TICRR: variants seen among roughly 807,000 people sequenced by gnomAD.
The protein encoded by TICRR is TOPBP1 interacting checkpoint and replication regulator, also known as treslin.
A neutral mutation model predicts 178.1 loss-of-function variants in TICRR; 132 were observed. The observed-to-expected ratio is 0.74, with a 90% confidence interval of 0.64 to 0.86. The LOEUF is 0.86. Among genes scored for constraint, TICRR ranks in the 40% least tolerant of loss-of-function variants. The probability of loss-of-function intolerance (pLI) is 0.00; values close to 1 mark genes in which losing one functional copy is unlikely to be tolerated. For missense variants in TICRR, 2,587 were observed against 2,334.3 expected, an observed-to-expected ratio of 1.11 and a Z score of -2.23; for synonymous variants, 991 against 900.7, an observed-to-expected ratio of 1.10 and a Z score of -1.79.
At position 89,582,953 on chromosome 15, in the gene TICRR, C is replaced by G. The variant is rs1427564541; in HGVS notation, c.922C>G (p.Leu308Val). The change falls in exon 2 of 22, where the codon CTC becomes GTC. Residue 308 changes from leucine (L) to valine (V), a missense_variant. Physicochemically the swap from Leu to Val is conservative, Grantham distance 32 (BLOSUM62 1). Transcript: ENST00000268138. ...TCCACGAATGGAAGGAATGTTATTT[C>G]TCCCTGTTGAAGGTAAGCAAATAAT... ...SFPRMEGMLFLPVEAGKEIQE... is the reference protein window; with the variant it reads ...SFPRMEGMLFVPVEAGKEIQE... The G allele has an allele frequency of 1.2e-6, 2 of 1,611,794 alleles. No individual in the cohort carries two copies. The highest frequency in any genetic ancestry group is 1.7e-6 in the Non-Finnish European group (2 of 1,178,300).
chr15:89,606,641 T>C, intron 13 of TICRR, 127 bp from the exon 14 acceptor site: 1 of 760,262 alleles, frequency 1.3e-6, no homozygotes, highest in Non-Finnish European at 2.2e-6. Context: ...TGTTGTACAT[T>C]TTATTATTTC....
chr15:89,600,311 A>G (rs185090773), intron 8 of TICRR, among the ~76,000 whole-genome samples: 195 of 152,266 alleles, frequency 1.3e-3, no homozygotes, highest in Non-Finnish European at 2.2e-3. Context: ...TGTTTATGAT[A>G]CTTAGGTTTC....
At chr15:89,596,309 A>G (rs748617601) in intron 7 of TICRR, among the ~76,000 whole-genome samples, 3 of 151,756 alleles carry the variant, frequency 2.0e-5, no homozygotes, top group East Asian at 1.9e-4. Flanking sequence ...TTAATTGCTC[A>G]ATCTTGCTAT....
At chr15:89,622,434 T>G (rs370396737) in intron 19 of TICRR, among the ~76,000 whole-genome samples, 14 of 152,286 alleles carry the variant, frequency 9.2e-5, no homozygotes, top group African/African-American at 3.4e-4. Context: ...GAAACATTCC[T>G]CTCAGTTTGC....
Position 89,585,765 on chromosome 15 carries a change from C to G in TICRR, c.1234C>G (p.Leu412Val). 1 of 1,614,182 alleles carries G rather than the reference C, an allele frequency of 6.2e-7. No individual in the cohort carries two copies. Among genetic ancestry groups the G allele is most frequent in the East Asian group, 2.2e-5 (1 of 44,886 alleles). Reference sequence around the variant, plus strand: ...CCCCATCACTGGAGTTATTTCCCCACTCTCTGCCAGTGCTATGATCCTCAC... The same window carrying G: ...CCCCATCACTGGAGTTATTTCCCCAGTCTCTGCCAGTGCTATGATCCTCAC... ...RPPITGVISP[L>V]SASAMILTVC... Residue 412 changes from leucine (L) to valine (V), a missense_variant, in exon 4 of 22, where the codon CTC becomes GTC. By Grantham distance (32) the Leu-to-Val change is conservative. Transcript: ENST00000268138.
At chr15:89,600,490 A>G (rs1372414844) in intron 8 of TICRR, 95 bp from the exon 9 acceptor site, 3 of 526,246 alleles carry the variant, frequency 5.7e-6, no homozygotes, top group Non-Finnish European at 1.0e-5. Context: ...AGAGAAGTTT[A>G]TAAGGGAATA....
At chr15:89,613,420 A>G (rs1234686830) in intron 15 of TICRR, among the ~76,000 whole-genome samples, 1 of 151,978 alleles carries the variant, frequency 6.6e-6, no homozygotes, top group Non-Finnish European at 1.5e-5. Context: ...ACTTTATTCT[A>G]CTTGTATTGA....
Position 89,595,595 on chromosome 15 carries a change from A to G in TICRR, c.1884A>G (p.Arg628=), listed in dbSNP as rs1431169072. The change falls in exon 7 of 22, where the codon AGA becomes AGG. Residue 628 remains arginine (R), a synonymous_variant. Transcript: ENST00000268138. ...DKLEDRGRTL[R]SSKPKDFKTE... ...TGGAAGACAGAGGAAGAACACTAAG[A>G]AGTTCTAAACCTAAAGGTATTCCTC... 1.2e-6 allele frequency: 2 copies of G among 1,613,696 alleles called. No homozygotes were observed.
At chr15:89,578,639 C>G (rs1962667159) in intron 1 of TICRR, among the ~76,000 whole-genome samples, 2 of 149,462 alleles carry the variant, frequency 1.3e-5, no homozygotes, top group African/African-American at 4.9e-5. Flanking sequence ...CTCTTTTTTT[C>G]TCTTTAATCT....
At chr15:89,586,665 A>C (rs887281591) in intron 4 of TICRR, among the ~76,000 whole-genome samples, 1 of 152,212 alleles carries the variant, frequency 6.6e-6, no homozygotes, top group Non-Finnish European at 1.5e-5. Flanking sequence ...GGCCTTGCTG[A>C]AAAAATGATA....
rs1402759399 is a variant in TICRR, at chr15:89,582,903, A to G, written c.872A>G (p.Asn291Ser). The G allele has an allele frequency of 4.3e-6, 7 of 1,614,060 alleles. No homozygotes were observed. Among genetic ancestry groups the G allele is most frequent in the East Asian group, 4.5e-5 (2 of 44,884 alleles). ...GCCACTTTAAACCGTTTGCTCTACA[A>G]TTCTCCTGAGTATGAGGCCTCGTTT... ...TDATLNRLLY[N>S]SPEYEASFPR... The change falls in exon 2 of 22, where the codon AAT becomes AGT. Residue 291 changes from asparagine to serine, a missense_variant. By Grantham distance (46) the Asn-to-Ser change is conservative. Coordinates refer to ENST00000268138, the MANE Select transcript of TICRR (RefSeq NM_152259.4).
In TICRR at chr15:89,619,835, T is replaced by C; in HGVS notation, c.3147T>C (p.Asp1049=). The C allele has an allele frequency of 1.2e-6, 2 of 1,611,170 alleles. No individual in the cohort carries two copies. The highest frequency in any genetic ancestry group is 1.7e-6 in the Non-Finnish European group (2 of 1,179,172). ...SVQRVHSFQQ[D]KSDQRENSPV... is the part of the protein sequence containing the mutation. The stretch of plus-strand genomic sequence containing the variant: ...AAAGAGTCCACTCTTTCCAGCAAGA[T>C]AAGTCAGGTAACATACGGGCCCCTC... The change falls in exon 18 of 22, where the codon GAT becomes GAC. Residue 1049 remains aspartate, a synonymous_variant. Coordinates refer to ENST00000268138, the MANE Select transcript of TICRR (RefSeq NM_152259.4).
At chr15:89,589,692 A>G (rs184396359) in intron 4 of TICRR, among the ~76,000 whole-genome samples, 3 of 152,344 alleles carry the variant, frequency 2.0e-5, no homozygotes, top group African/African-American at 7.2e-5. Context: ...AATTATAGGC[A>G]TTTATGCTGT....
At chr15:89,594,674 A>G (rs1962967382) in intron 6 of TICRR, 120 bp downstream of exon 6, 8 of 797,162 alleles carry the variant, frequency 1.0e-5, no homozygotes, top group African/African-American at 1.8e-5. Context: ...GCAAATTTTT[A>G]TATTTAAATT....
intron 15 of TICRR, among the ~76,000 whole-genome samples, chr15:89,611,754 G>A (rs1176034948): frequency 1.3e-5 from 2 of 151,874 alleles, no homozygotes; most frequent in East Asian, 1.9e-4. Flanking sequence ...GCTCAAATCT[G>A]TGGTTGACCC....
At chr15:89,581,173 C>T (rs1461013355) in intron 1 of TICRR, among the ~76,000 whole-genome samples, 1 of 152,124 alleles carries the variant, frequency 6.6e-6, no homozygotes, top group Admixed American at 6.5e-5. Flanking sequence ...TTGGGAATGA[C>T]CTAGTTGACT....
At chr15:89,599,565 C>G in intron 8 of TICRR, 90 bp downstream of exon 8, 1 of 1,304,266 alleles carries the variant, frequency 7.7e-7, no homozygotes, top group Non-Finnish European at 1.1e-6. Flanking sequence ...TGGAAAATGT[C>G]TGTTATGTCA....
At chr15:89,584,044 A>G (rs1962776451) in intron 2 of TICRR, among the ~76,000 whole-genome samples, 1 of 152,120 alleles carries the variant, frequency 6.6e-6, no homozygotes, top group Admixed American at 6.6e-5. Context: ...GCCATCACAT[A>G]TTGCCTTTGT....
chr15:89,590,278 A>T (rs574465922), intron 4 of TICRR, among the ~76,000 whole-genome samples: 2 of 152,348 alleles, frequency 1.3e-5, no homozygotes, highest in South Asian at 4.1e-4. Flanking sequence ...CTTTGAATTC[A>T]GCTGCTACTT....
Sources: allele counts gnomAD v4.1 joint callset (sites outside exome capture counted in the v4.1 genomes callset), GRCh38; gene constraint gnomAD v4.1.1; transcripts MANE v1.5; gene names NCBI Gene and HGNC (gene_info 2026-07-23, HGNC 2026-07-21).